CHD6: variants seen among roughly 807,000 people sequenced by gnomAD.
The protein encoded by CHD6 is chromodomain helicase DNA binding protein 6.
CHD6 carries 50 observed loss-of-function variants against 276.9 expected under a neutral mutation model. The observed-to-expected ratio is 0.18, with a 90% CI of 0.14 to 0.23. CHD6 has a LOEUF of 0.23. Ranked by LOEUF, CHD6 falls within the 10% of genes least tolerant of loss-of-function variation. The probability of loss-of-function intolerance (pLI) is 1.00; values close to 1 mark genes in which losing one functional copy is unlikely to be tolerated. For missense variants in CHD6, 2,564 were observed against 3,365.8 expected, an observed-to-expected ratio of 0.76 and a Z score of 5.89; for synonymous variants, 1,173 against 1,229.3, an observed-to-expected ratio of 0.95 and a Z score of 0.96.
At position 41,543,030 on chromosome 20, in the gene CHD6, G is replaced by A. The variant is rs540653783; in HGVS notation, c.33+8275C>T. The stretch of plus-strand genomic sequence containing the variant: ...AAGGCAGGAGAATTGCTTGATTCCG[G>A]GAGGTGGAGATTGCGGTGAGCCAAG... On this transcript the variant is annotated intron_variant, in intron 2 of 36. Transcript: ENST00000373233. Among the ~76,000 whole-genome samples the A allele has an allele frequency of 4.9e-4, 74 of 151,732 alleles. 1 individual carries two copies. Among genetic ancestry groups the A allele is most frequent in the African/African-American group, 1.6e-3 (65 of 41,332 alleles).
chr20:41,474,132 T>A (rs2043119553), intron 16 of CHD6, among the ~76,000 whole-genome samples: 1 of 152,130 alleles, frequency 6.6e-6, no homozygotes, highest in Admixed American at 6.5e-5. Flanking sequence ...CAAGCATAAA[T>A]CACAGGAAAG....
intron 16 of CHD6, among the ~76,000 whole-genome samples, chr20:41,478,460 G>A (rs562419244): frequency 6.6e-6 from 1 of 152,308 alleles, no homozygotes; most frequent in South Asian, 2.1e-4. Flanking sequence ...CAGCCAGAGG[G>A]GAGGCCACAA....
In CHD6 at chr20:41,403,190, A is replaced by G. The variant is rs957747435; in HGVS notation, c.*1403T>C. ...ACAGAAAAAGTAAAAAATACAGTAA[A>G]TTGTGACAACAAAAAGTGAAACTGG... is the stretch of plus-strand genomic sequence containing the variant. On this transcript the variant is annotated 3_prime_UTR_variant, in exon 37 of 37. Transcript: ENST00000373233. 1.3e-5 allele frequency: 12 copies of G among 909,516 alleles called. No homozygotes were observed. The highest frequency in any genetic ancestry group is 2.7e-6 in the Non-Finnish European group (2 of 738,676). 56.3% of individuals were successfully genotyped at this position (909,516 alleles called of 1,614,324 possible).
intron 3 of CHD6, among the ~76,000 whole-genome samples, chr20:41,527,206 G>A (rs1380682744): frequency 6.6e-6 from 1 of 152,106 alleles, no homozygotes. Context: ...AAGAGGCCAG[G>A]CAAGCAAATC....
chr20:41,473,780 AG>A lies in CHD6; in HGVS notation c.2469-264del, dbSNP rs762291714. ...GCAAAAAAAAACCAGCTGTAAACTA[AG>A]AAGGACTAGAAGAATTAAATCATAA... On this transcript the variant is annotated intron_variant, in intron 16 of 36. Coordinates refer to ENST00000373233, the MANE Select transcript of CHD6 (RefSeq NM_032221.5). The surrounding 1 kb of genome is among the most constrained non-coding windows in gnomAD (Gnocchi z 4.1). 6.6e-6 allele frequency among the ~76,000 whole-genome samples: 1 copy of A among 152,202 alleles called. No homozygotes were observed. The highest frequency in any genetic ancestry group is 1.5e-5 in the Non-Finnish European group (1 of 68,042).
intron 3 of CHD6, among the ~76,000 whole-genome samples, chr20:41,517,049 G>A (rs377040722): frequency 2.0e-5 from 3 of 152,240 alleles, no homozygotes; most frequent in Non-Finnish European, 2.9e-5. Flanking sequence ...TTGAACACCC[G>A]TCACCCTTCA....
chr20:41,603,770 G>A (rs62208542), intron 1 of CHD6, among the ~76,000 whole-genome samples: 1 of 152,152 alleles, frequency 6.6e-6, no homozygotes, highest in Non-Finnish European at 1.5e-5. Flanking sequence ...GAGAGGCTGA[G>A]GCAGGAGAAT....
intron 17 of CHD6, 30 bp from the exon 18 acceptor site, chr20:41,457,458 G>A (rs753440233): frequency 1.9e-5 from 31 of 1,595,532 alleles, no homozygotes; most frequent in Non-Finnish European, 2.1e-5. Flanking sequence ...TATGCATCAC[G>A]TCACCGTATG....
intron 20 of CHD6, among the ~76,000 whole-genome samples, chr20:41,453,187 T>C (rs2048290604): frequency 6.6e-6 from 1 of 152,064 alleles, no homozygotes; most frequent in African/African-American, 2.4e-5. Context: ...ATCTGTTGTT[T>C]CTGCAGTCAT....
At chr20:41,534,960 G>T (rs776156107) in intron 2 of CHD6, among the ~76,000 whole-genome samples, 1 of 151,966 alleles carries the variant, frequency 6.6e-6, no homozygotes, top group East Asian at 1.9e-4. Flanking sequence ...AGCTGTCCTC[G>T]GAAGATTCTT....
intron 5 of CHD6, among the ~76,000 whole-genome samples, chr20:41,503,560 T>C (rs1360714080): frequency 1.3e-5 from 2 of 152,198 alleles, no homozygotes. Context: ...ATCCACCAGA[T>C]TTTCTCTTGT....
intron 27 of CHD6, among the ~76,000 whole-genome samples, chr20:41,430,610 T>C (rs2047506894): frequency 6.6e-6 from 1 of 152,208 alleles, no homozygotes; most frequent in African/African-American, 2.4e-5. Context: ...TTGTGAGAAT[T>C]TGGTCAAGTC....
At chr20:41,606,515 A>G (rs2045830632) in intron 1 of CHD6, among the ~76,000 whole-genome samples, 1 of 151,788 alleles carries the variant, frequency 6.6e-6, no homozygotes, top group South Asian at 2.1e-4. Flanking sequence ...CTCTGTCTCA[A>G]AAAAACAAAA....
At chr20:41,601,985 A>C (rs1395413318) in intron 1 of CHD6, among the ~76,000 whole-genome samples, 1 of 152,160 alleles carries the variant, frequency 6.6e-6, no homozygotes, top group Non-Finnish European at 1.5e-5. Context: ...CCCTCACCAC[A>C]CAGGGCCTCC....
At chr20:41,598,483 A>G (rs1601183298) in intron 1 of CHD6, among the ~76,000 whole-genome samples, 1 of 152,222 alleles carries the variant, frequency 6.6e-6, no homozygotes, top group East Asian at 1.9e-4. Flanking sequence ...TGCAACGGGC[A>G]GGCCAGAAAC....
At chr20:41,448,754 A>G (rs1270023899) in intron 23 of CHD6, among the ~76,000 whole-genome samples, 1 of 152,180 alleles carries the variant, frequency 6.6e-6, no homozygotes, top group African/African-American at 2.4e-5. Context: ...ATTTCTACCT[A>G]TTAGATCTGG....
intron 36 of CHD6, among the ~76,000 whole-genome samples, chr20:41,410,748 C>A (rs899276466): frequency 7.2e-5 from 11 of 152,240 alleles, no homozygotes; most frequent in African/African-American, 2.6e-4. Flanking sequence ...GGGATGAACA[C>A]TAATTTCCAA....
intron 23 of CHD6, among the ~76,000 whole-genome samples, chr20:41,449,413 T>A (rs1356553937): frequency 2.6e-5 from 4 of 152,224 alleles, no homozygotes; most frequent in African/African-American, 9.6e-5. Flanking sequence ...GAGAGCTGTT[T>A]CCATTTCTAT....
At chr20:41,483,204 T>C (rs1210532321) in intron 16 of CHD6, 105 bp downstream of exon 16, 1 of 976,108 alleles carries the variant, frequency 1.0e-6, no homozygotes, top group African/African-American at 1.6e-5. Context: ...TTTCCTCCGT[T>C]TTTGAATGTT....
Sources: gnomAD v4.1 joint callset for allele counts (sites outside exome capture counted in the v4.1 genomes callset) on GRCh38, gnomAD v4.1.1 for gene constraint, Gnocchi (gnomAD v3.1) non-coding constraint, MANE v1.5 for transcripts, NCBI Gene and HGNC (gene_info 2026-07-23, HGNC 2026-07-21) for gene names.